The following KIFAP3 variants were observed in gnomAD, a reference collection of about 807,000 sequenced individuals.
The protein encoded by KIFAP3 is kinesin associated protein 3.
KIFAP3 carries 68 observed loss-of-function variants against 106.5 expected under a neutral mutation model. The ratio of observed to expected loss-of-function variants is 0.64; its 90% confidence interval spans 0.53 to 0.78. The LOEUF is 0.78. Ranked by LOEUF, KIFAP3 falls within the 30% of genes least tolerant of loss-of-function variation. KIFAP3 has a pLI of 0.00. For missense variants in KIFAP3, 780 were observed against 941.8 expected (o/e 0.83, Z 2.25); for synonymous variants, 320 against 311.5 (o/e 1.03, Z -0.29).
intron 12 of KIFAP3, among the ~76,000 whole-genome samples, chr1:169,984,010 A>G (rs891632660): frequency 6.6e-6 from 1 of 151,916 alleles, no homozygotes; most frequent in Non-Finnish European, 1.5e-5. Flanking sequence ...TAATTTTAAA[A>G]GAATGTATCA....
intron 2 of KIFAP3, among the ~76,000 whole-genome samples, chr1:170,048,903 G>C (rs895756384): frequency 2.0e-5 from 3 of 152,176 alleles, no homozygotes; most frequent in East Asian, 1.9e-4. Flanking sequence ...CTGGGTGGCT[G>C]TTTGGGCAGG....
At chr1:170,074,885 T>A (rs947212353), upstream of KIFAP3, 7 of 423,622 alleles carry the variant, frequency 1.7e-5, no homozygotes, top group Middle Eastern at 1.0e-3. Context: ...TAGAAAGGGC[T>A]GTCAGGTCAG....
intron 10 of KIFAP3, among the ~76,000 whole-genome samples, chr1:170,011,455 TTTTG>T (rs986557662): frequency 1.3e-5 from 2 of 150,692 alleles, no homozygotes; most frequent in African/African-American, 4.8e-5. Flanking sequence ...TTGTGAACAT[TTTTG>T]TTTAATTACA....
At chr1:169,939,916 CTT>C (rs1165636802) in intron 19 of KIFAP3, among the ~76,000 whole-genome samples, 1 of 152,066 alleles carries the variant, frequency 6.6e-6, no homozygotes, top group Non-Finnish European at 1.5e-5. Flanking sequence ...ACATGCAAGT[CTT>C]TTGAGAAGTT....
chr1:169,939,525 G>A (rs1663994476), intron 19 of KIFAP3, among the ~76,000 whole-genome samples: 1 of 152,154 alleles, frequency 6.6e-6, no homozygotes, highest in Non-Finnish European at 1.5e-5. Flanking sequence ...ACAAGTCTAA[G>A]CTAAAAATAT....
At chr1:169,982,664 C>T in intron 14 of KIFAP3, 38 bp downstream of exon 14, 1 of 1,386,996 alleles carries the variant, frequency 7.2e-7, no homozygotes, top group East Asian at 2.5e-5. Flanking sequence ...AAAGAAATAA[C>T]TTAGTGATTA....
chr1:170,022,671 C>G (rs1052474716), intron 9 of KIFAP3, among the ~76,000 whole-genome samples: 1 of 152,060 alleles, frequency 6.6e-6, no homozygotes, highest in Admixed American at 6.5e-5. Flanking sequence ...ATTTCTTTCA[C>G]AATAAAAGGT....
intron 19 of KIFAP3, among the ~76,000 whole-genome samples, chr1:169,945,499 C>G (rs776333693): frequency 2.6e-4 from 39 of 152,364 alleles, no homozygotes; most frequent in Non-Finnish European, 4.4e-4. Flanking sequence ...CCAACTGCAG[C>G]TGGCATCCCT....
chr1:169,974,431 G>A lies in KIFAP3; in HGVS notation c.1898-1833C>T, dbSNP rs1488621949. Among the ~76,000 whole-genome samples the A allele has an allele frequency of 2.0e-5, 3 of 151,840 alleles. No homozygotes were observed. In the East Asian group the frequency reaches 5.8e-4, roughly 29 times the overall value. On this transcript the variant is annotated intron_variant, in intron 16 of 19. Transcript: ENST00000361580. ...GGCAAAGTGATGACTTAACTCATTA[G>A]TGTTACTTACTATTTAAACTGTTGT...
intron 5 of KIFAP3, among the ~76,000 whole-genome samples, chr1:170,037,216 T>A (rs1270943484): frequency 6.6e-6 from 1 of 152,170 alleles, no homozygotes; most frequent in Non-Finnish European, 1.5e-5. Context: ...TCAAGAATTA[T>A]CTACTTCATA....
intron 10 of KIFAP3, among the ~76,000 whole-genome samples, chr1:170,005,981 C>T (rs1344528274): frequency 6.6e-6 from 1 of 152,100 alleles, no homozygotes; most frequent in African/African-American, 2.4e-5. Flanking sequence ...CGAGTCTTTC[C>T]CTTCCTTTTC....
chr1:169,969,948 G>GT (rs1394241016), intron 17 of KIFAP3, among the ~76,000 whole-genome samples: 1 of 151,994 alleles, frequency 6.6e-6, no homozygotes, highest in African/African-American at 2.4e-5. Flanking sequence ...TAATAAACAT[G>GT]TATTAAATGT....
chr1:170,078,613 GAACA>G (rs1360437250), upstream of KIFAP3, among the ~76,000 whole-genome samples: 1 of 152,076 alleles, frequency 6.6e-6, no homozygotes, highest in African/African-American at 2.4e-5. Flanking sequence ...ATGGTGACAA[GAACA>G]AAGAGAAAAT....
At chr1:170,063,532 G>A (rs1671287741) in intron 1 of KIFAP3, among the ~76,000 whole-genome samples, 1 of 152,136 alleles carries the variant, frequency 6.6e-6, no homozygotes, top group East Asian at 1.9e-4. Flanking sequence ...GGGGAGGCTT[G>A]TATGAGTAAC....
chr1:169,966,819 A>T (rs61806098), intron 17 of KIFAP3, among the ~76,000 whole-genome samples: 15,813 of 151,758 alleles, frequency 0.1, 970 homozygotes, highest in Admixed American at 0.18. Context: ...CTAGTTTGTG[A>T]TAATGTTGCC....
intron 16 of KIFAP3, among the ~76,000 whole-genome samples, chr1:169,973,192 C>G (rs1381427608): frequency 2.3e-5 from 3 of 131,618 alleles, no homozygotes; most frequent in African/African-American, 8.5e-5. Context: ...AAAACAAAAG[C>G]AAAAATCATT....
chr1:170,083,533 A>G (rs1347877303), intron 1 of KIFAP3, among the ~76,000 whole-genome samples: 2 of 152,200 alleles, frequency 1.3e-5, no homozygotes, highest in African/African-American at 4.8e-5. Flanking sequence ...TCTCATCTGT[A>G]AAATAGGGGT....
Position 170,001,101 on chromosome 1 carries a change from C to T in KIFAP3, c.1184-8846G>A, listed in dbSNP as rs563325090. 2.6e-4 allele frequency among the ~76,000 whole-genome samples: 40 copies of T among 152,150 alleles called. 1 individual carries two copies. Among genetic ancestry groups the T allele is most frequent in the Middle Eastern group, 3.4e-3 (1 of 294 alleles). On this transcript the variant is annotated intron_variant, in intron 10 of 19. Coordinates refer to ENST00000361580, the MANE Select transcript of KIFAP3 (RefSeq NM_014970.4). ...GTATGTACAACTGTACATTTTGCCA[C>T]ACAGCTTATTTTTCATCATATCTTC...
At chr1:170,007,768 C>T (rs1258472995) in intron 10 of KIFAP3, among the ~76,000 whole-genome samples, 1 of 152,082 alleles carries the variant, frequency 6.6e-6, no homozygotes, top group Non-Finnish European at 1.5e-5. Context: ...AAAAAAACTA[C>T]ATTAAATTTC....
Sources: gnomAD v4.1 joint callset for allele counts (sites outside exome capture counted in the v4.1 genomes callset) on GRCh38, gnomAD v4.1.1 for gene constraint, MANE v1.5 for transcripts, NCBI Gene and HGNC (gene_info 2026-07-23, HGNC 2026-07-21) for gene names.